Variants in NF1 observed in about 807,000 individuals in gnomAD.
NF1 encodes the protein neurofibromin.
NF1 carries 122 observed loss-of-function variants against 325.7 expected under a neutral mutation model. The observed-to-expected ratio is 0.37, with a 90% confidence interval of 0.32 to 0.44. The LOEUF (loss-of-function observed/expected upper bound fraction) is 0.44. NF1 is among the 20% of genes least tolerant of loss of function. The pLI is 1.00. For synonymous variants in NF1, 1,091 were observed against 1,186.0 expected, an observed-to-expected ratio of 0.92 and a Z score of 1.65; for missense variants, 2,140 against 3,415.4, an observed-to-expected ratio of 0.63 and a Z score of 9.31.
intron 29 of NF1, among the ~76,000 whole-genome samples, chr17:31,245,676 T>G (rs1218810641): frequency 6.6e-6 from 1 of 152,192 alleles, no homozygotes; most frequent in Non-Finnish European, 1.5e-5. Context: ...GCAAGGCATG[T>G]GGGAAGGGGC....
intron 1 of NF1, among the ~76,000 whole-genome samples, chr17:31,146,903 A>G (rs867425702): frequency 6.6e-6 from 1 of 152,242 alleles, no homozygotes; most frequent in African/African-American, 2.4e-5. Flanking sequence ...AGGTGAGGCA[A>G]TCCCTGAAGG....
intron 38 of NF1, among the ~76,000 whole-genome samples, chr17:31,328,857 T>C (rs1027098994): frequency 6.6e-6 from 1 of 152,218 alleles, no homozygotes; most frequent in Non-Finnish European, 1.5e-5. Context: ...TCAGAAATTG[T>C]ACATAAGATT....
chr17:31,237,656 CT>C (rs34107657), intron 29 of NF1, among the ~76,000 whole-genome samples: 736 of 126,052 alleles, frequency 5.8e-3, no homozygotes, highest in Non-Finnish European at 7.4e-3. Flanking sequence ...CTCATGTCTA[CT>C]TTTTTTTTTT....
At chr17:31,180,256 A>G (rs1198813279) in intron 5 of NF1, among the ~76,000 whole-genome samples, 2 of 152,246 alleles carry the variant, frequency 1.3e-5, no homozygotes, top group Non-Finnish European at 2.9e-5. Context: ...GGCCAGCATC[A>G]TGGTCATACC....
chr17:31,182,384 A>G, intron 7 of NF1, 124 bp from the exon 8 acceptor site: 1 of 858,784 alleles, frequency 1.2e-6, no homozygotes. Context: ...AGTTGCTTAA[A>G]TGAAGTTCCA....
chr17:31,340,895 A>G lies in NF1; in HGVS notation c.7062+250A>G, dbSNP rs1431476167. The stretch of plus-strand genomic sequence containing the variant: ...AACAGTACTGGCCTAATACTAGTAG[A>G]ATTACAGAATAAGGATAAATAATAC... On this transcript the variant is annotated intron_variant, in intron 47 of 57. Transcript: ENST00000358273. 3.3e-5 allele frequency among the ~76,000 whole-genome samples: 5 copies of G among 151,688 alleles called. No individual in the cohort carries two copies. In the East Asian group the frequency reaches 9.6e-4, roughly 29 times the overall value.
In NF1 at chr17:31,340,115, T is replaced by C. The variant is rs1467314541; in HGVS notation, c.6922-390T>C. Among the ~76,000 whole-genome samples, 5 of 152,236 alleles carry C rather than the reference T, an allele frequency of 3.3e-5. No individual in the cohort carries two copies. In the South Asian group the frequency reaches 1.0e-3, roughly 32 times the overall value. On this transcript the variant is annotated intron_variant, in intron 46 of 57. Coordinates refer to ENST00000358273, the MANE Select transcript of NF1 (RefSeq NM_001042492.3). The stretch of plus-strand genomic sequence containing the variant: ...TCCTGGTGGTAGTGTGCACAGTGGA[T>C]TGGAGTAGGGAGAAACTGAAGTAAA...
intron 3 of NF1, among the ~76,000 whole-genome samples, chr17:31,162,666 G>A (rs1334851085): frequency 6.6e-6 from 1 of 152,144 alleles, no homozygotes; most frequent in Non-Finnish European, 1.5e-5. Context: ...GGCACATGGG[G>A]TGAAGTATTC....
At position 31,365,027 on chromosome 17, in the gene NF1, G is replaced by A. The variant is rs906359994; in HGVS notation, c.8377+4324G>A. Among the ~76,000 whole-genome samples, 4 of 152,064 alleles carry A rather than the reference G, an allele frequency of 2.6e-5. No individual in the cohort carries two copies. In the East Asian group the frequency reaches 5.8e-4, roughly 22 times the overall value. On this transcript the variant is annotated intron_variant, in intron 57 of 57. Coordinates refer to ENST00000358273, the MANE Select transcript of NF1 (RefSeq NM_001042492.3). Reference sequence around the variant, plus strand: ...AGAAAATGAAACCCAGGCTGAGTGCGGTGGCTCACGCCTGTAATCCTAACA... The same window carrying A: ...AGAAAATGAAACCCAGGCTGAGTGCAGTGGCTCACGCCTGTAATCCTAACA...
chr17:31,296,689 G>C (rs2068473036), intron 36 of NF1: 1 of 262,416 alleles, frequency 3.8e-6, no homozygotes, highest in African/African-American at 2.2e-5. Flanking sequence ...GCAGTTGTAG[G>C]CTATTACTAT....
At chr17:31,335,097 TG>T in intron 40 of NF1, 66 bp downstream of exon 40, 1 of 1,371,010 alleles carries the variant, frequency 7.3e-7, no homozygotes. Flanking sequence ...GGTGCCACAT[TG>T]GGCAAAGCAC....
Position 31,181,500 on chromosome 17 carries a change from A to G in NF1, c.654+11A>G, listed in dbSNP as rs2143774889. ...AATAGCCTGGAAAAGGTAAGTTACA[A>G]CCTCTCTGGTATTAAAATTTTGTTT... On this transcript the variant is annotated intron_variant, in intron 6 of 57. Coordinates refer to ENST00000358273, the MANE Select transcript of NF1 (RefSeq NM_001042492.3). 6.2e-7 allele frequency: 1 copy of G among 1,612,342 alleles called. No homozygotes were observed. Among genetic ancestry groups the G allele is most frequent in the Non-Finnish European group, 8.5e-7 (1 of 1,178,658 alleles).
intron 36 of NF1, among the ~76,000 whole-genome samples, chr17:31,313,655 G>A (rs535498608): frequency 4.7e-5 from 7 of 150,498 alleles, no homozygotes; most frequent in Admixed American, 4.0e-4. Flanking sequence ...GCAGTGAGCT[G>A]AGATCGTGCC....
Position 31,356,540 on chromosome 17 carries a change from C to A in NF1, c.7696C>A (p.Pro2566Thr). 6.2e-7 allele frequency: 1 copy of A among 1,613,546 alleles called. No individual in the cohort carries two copies. The highest frequency in any genetic ancestry group is 8.5e-7 in the Non-Finnish European group (1 of 1,179,688). Residue 2566 changes from proline (P) to threonine (T), a missense_variant, in exon 52 of 58, where the codon CCC becomes ACC. Physicochemically the swap from Pro to Thr is conservative, Grantham distance 38. Around this residue, in one of 10 missense-constraint regions of NF1, gnomAD observed 522 missense variants for 749.0 expected, o/e 0.70. Transcript: ENST00000358273. ...AGAAATGGAATCAGGGATCACAACA[C>A]CCCCCAAAATGAGGAGAGTAGCAGA... Reference protein sequence around the residue: ...RQEMESGITTPPKMRRVAETD... With the variant: ...RQEMESGITTTPKMRRVAETD...
At chr17:31,182,741 G>T in intron 8 of NF1, 76 bp downstream of exon 8, 1 of 1,387,428 alleles carries the variant, frequency 7.2e-7, no homozygotes, top group East Asian at 2.4e-5. Context: ...TATTACTTTA[G>T]GCTTATTATT....
intron 1 of NF1, among the ~76,000 whole-genome samples, chr17:31,097,267 G>C (rs1911813673): frequency 6.6e-6 from 1 of 152,024 alleles, no homozygotes; most frequent in Non-Finnish European, 1.5e-5. Flanking sequence ...AGACCAGCCT[G>C]ACCAACATGG....
chr17:31,360,690 C>T lies in NF1; in HGVS notation c.8364C>T (p.Ser2788=), dbSNP rs1407318961. The stretch of plus-strand genomic sequence containing the variant: ...ATTCCATGACCTCACTTGCAACTTC[C>T]CAGCATTCCCCAGGTCAGTAAATGT... ...LSNSMTSLAT[S]QHSPGIDKEN... Residue 2788 remains serine (S), a synonymous_variant, in exon 57 of 58, where the codon TCC becomes TCT. Transcript: ENST00000358273. 5 of 1,612,158 alleles carry T rather than the reference C, an allele frequency of 3.1e-6. No individual in the cohort carries two copies. The South Asian group carries it at 5.5e-5, about 18-fold the overall frequency.
intron 39 of NF1, chr17:31,334,597 A>G: frequency 2.0e-6 from 1 of 488,908 alleles, no homozygotes; most frequent in Non-Finnish European, 3.7e-6. Flanking sequence ...AAGGACTAAA[A>G]TGGAGGAAAA....
intron 36 of NF1, among the ~76,000 whole-genome samples, chr17:31,311,979 A>C (rs773867565): frequency 9.8e-5 from 15 of 152,342 alleles, no homozygotes; most frequent in Non-Finnish European, 1.8e-4. Flanking sequence ...TCCTGATTCT[A>C]CGAAAACTAT....
Sources: gnomAD v4.1 joint callset for allele counts (sites outside exome capture counted in the v4.1 genomes callset) on GRCh38, gnomAD v4.1.1 for gene constraint, gnomAD v4.1.1 regional missense constraint, MANE v1.5 for transcripts, NCBI Gene and HGNC (gene_info 2026-07-23, HGNC 2026-07-21) for gene names.